Variants in SLC71A2 observed in about 807,000 individuals in gnomAD.
SLC71A2 encodes hippocampus abundant transcript-like 1.
the SLC71A2 span, among the ~76,000 whole-genome samples, chr9:94,420,522 T>A: frequency 1.3e-5 from 2 of 152,208 alleles, no homozygotes; most frequent in East Asian, 1.9e-4. Context: ...AATTTGTTAA[T>A]CTTTTTATAC....
chr9:94,452,987 G>C, the SLC71A2 span, among the ~76,000 whole-genome samples: 1 of 151,808 alleles, frequency 6.6e-6, no homozygotes, highest in Non-Finnish European at 1.5e-5. Flanking sequence ...GAAATGAGAA[G>C]GCCGCAAAAC....
chr9:94,392,856 T>G, the SLC71A2 span, among the ~76,000 whole-genome samples: 1 of 151,466 alleles, frequency 6.6e-6, no homozygotes, highest in Non-Finnish European at 1.5e-5. Context: ...TCCTCCCAAT[T>G]AAGGCATCTT....
the SLC71A2 span, among the ~76,000 whole-genome samples, chr9:94,429,859 C>A: frequency 4.0e-5 from 6 of 151,794 alleles, no homozygotes; most frequent in Admixed American, 3.9e-4. Context: ...ACTTTGGAAA[C>A]AAAAGACATC....
chr9:94,458,320 A>G, the SLC71A2 span: 1 of 1,605,094 alleles, frequency 6.2e-7, no homozygotes. Flanking sequence ...GTTCTGATTT[A>G]GGAGTTGCCC....
At chr9:94,391,887 AT>A in the SLC71A2 span, among the ~76,000 whole-genome samples, 6 of 149,394 alleles carry the variant, frequency 4.0e-5, no homozygotes, top group East Asian at 2.0e-4. Flanking sequence ...TCCAAAAAAA[AT>A]TTTTTTTTTT....
At chr9:94,398,008 C>G in the SLC71A2 span, among the ~76,000 whole-genome samples, 15,809 of 151,862 alleles carry the variant, frequency 0.1, 1,477 homozygotes, top group East Asian at 0.35. Context: ...TATATTCCAC[C>G]TACTTGGGGG....
the SLC71A2 span, among the ~76,000 whole-genome samples, chr9:94,382,595 T>A: frequency 6.6e-6 from 1 of 151,998 alleles, no homozygotes; most frequent in African/African-American, 2.4e-5. Flanking sequence ...CTTTTATAGA[T>A]CAGGGTTTTG....
the SLC71A2 span, among the ~76,000 whole-genome samples, chr9:94,455,296 G>GTAGC: frequency 6.8e-6 from 1 of 147,720 alleles, no homozygotes; most frequent in African/African-American, 2.5e-5. Flanking sequence ...AGCTTCCTGA[G>GTAGC]TAGCTGGGAG....
At chr9:94,428,296 G>A in the SLC71A2 span, among the ~76,000 whole-genome samples, 1 of 149,188 alleles carries the variant, frequency 6.7e-6, no homozygotes, top group Non-Finnish European at 1.5e-5. Flanking sequence ...TATTATTTTT[G>A]GAAGATTTTT....
chr9:94,399,152 C>T, the SLC71A2 span, among the ~76,000 whole-genome samples: 5 of 152,166 alleles, frequency 3.3e-5, no homozygotes, highest in African/African-American at 1.2e-4. Flanking sequence ...CTTAACTACT[C>T]AGTCTGTACA....
the SLC71A2 span, among the ~76,000 whole-genome samples, chr9:94,449,858 C>G: frequency 2.0e-5 from 3 of 152,286 alleles, no homozygotes; most frequent in South Asian, 6.2e-4. Context: ...TATGCCTATA[C>G]ATTAGAATGT....
At chr9:94,433,223 ACT>A in the SLC71A2 span, 3 of 227,902 alleles carry the variant, frequency 1.3e-5, no homozygotes, top group Admixed American at 4.6e-5. Flanking sequence ...ATGGCTGAAC[ACT>A]CTGGGCTTGC....
chr9:94,395,583 A>G, the SLC71A2 span, among the ~76,000 whole-genome samples: 6 of 152,124 alleles, frequency 3.9e-5, no homozygotes, highest in Non-Finnish European at 7.4e-5. Flanking sequence ...TGGTCTCAAG[A>G]TGACTGAGCA....
chr9:94,409,848 T>C, the SLC71A2 span, among the ~76,000 whole-genome samples: 1 of 150,586 alleles, frequency 6.6e-6, no homozygotes. Flanking sequence ...TTTAAATTTA[T>C]TCAAACTTGT....
chr9:94,411,938 A>G, the SLC71A2 span, among the ~76,000 whole-genome samples: 1 of 152,086 alleles, frequency 6.6e-6, no homozygotes, highest in Non-Finnish European at 1.5e-5. Flanking sequence ...TGCATATGGC[A>G]CCTCATAGTT....
At chr9:94,428,941 A>G in the SLC71A2 span, among the ~76,000 whole-genome samples, 1 of 151,462 alleles carries the variant, frequency 6.6e-6, no homozygotes. Flanking sequence ...GCCTTTTCAG[A>G]TTGGTTTGTT....
the SLC71A2 span, among the ~76,000 whole-genome samples, chr9:94,392,783 G>A: frequency 1.5e-4 from 23 of 152,140 alleles, no homozygotes; most frequent in African/African-American, 5.6e-4. Context: ...ACAGGCATGA[G>A]CCACCACACC....
chr9:94,429,540 T>C, the SLC71A2 span, among the ~76,000 whole-genome samples: 1 of 152,132 alleles, frequency 6.6e-6, no homozygotes, highest in African/African-American at 2.4e-5. Flanking sequence ...TTAACTTCTC[T>C]GCCTATCAAC....
chr9:94,420,823 C>A, the SLC71A2 span, among the ~76,000 whole-genome samples: 9,489 of 152,092 alleles, frequency 0.062, 447 homozygotes, highest in African/African-American at 0.13. Flanking sequence ...CGCTTGAACC[C>A]AGGAGGCAGT....
Sources: allele counts gnomAD v4.1 joint callset (sites outside exome capture counted in the v4.1 genomes callset), GRCh38; gene constraint gnomAD v4.1.1; transcripts MANE v1.5; gene names NCBI Gene and HGNC (gene_info 2026-07-23, HGNC 2026-07-21).